Variants in CDH13 observed in about 807,000 individuals in gnomAD.
CDH13 encodes cadherin 13.
CDH13 carries 24 observed loss-of-function variants against 63.8 expected under a neutral mutation model. The observed-to-expected ratio is 0.38, with a 90% CI of 0.27 to 0.53. CDH13 has a LOEUF of 0.53. Among genes scored for constraint, CDH13 ranks in the 20% least tolerant of loss-of-function variants. The probability of loss-of-function intolerance (pLI) is 0.85; values close to 1 mark genes in which losing one functional copy is unlikely to be tolerated. For missense variants in CDH13, 1,049 were observed against 903.1 expected, an observed-to-expected ratio of 1.16 and a Z score of -2.07; for synonymous variants, 503 against 355.3, an observed-to-expected ratio of 1.42 and a Z score of -4.67.
intron 5 of CDH13, among the ~76,000 whole-genome samples, chr16:83,341,381 T>A (rs923392172): frequency 3.3e-5 from 5 of 152,206 alleles, no homozygotes; most frequent in Non-Finnish European, 1.5e-5. Flanking sequence ...GACCTTCGTA[T>A]GAGAACAGTG....
At chr16:82,628,843 C>G (rs542503372) in intron 1 of CDH13, among the ~76,000 whole-genome samples, 2 of 152,226 alleles carry the variant, frequency 1.3e-5, no homozygotes, top group Non-Finnish European at 2.9e-5. Flanking sequence ...CTGCCATCTG[C>G]TAGTGGTACC....
chr16:83,419,329 G>A (rs958616479), intron 6 of CDH13, among the ~76,000 whole-genome samples: 33 of 152,194 alleles, frequency 2.2e-4, no homozygotes, highest in African/African-American at 7.2e-4. Context: ...ACTCAGAAGT[G>A]TAATTAGCCA....
chr16:83,334,378 C>CACAT (rs2090546810), intron 5 of CDH13, among the ~76,000 whole-genome samples: 2 of 150,514 alleles, frequency 1.3e-5, no homozygotes, highest in Non-Finnish European at 3.0e-5. Flanking sequence ...CACACACACA[C>CACAT]ACACACACAC....
At chr16:82,812,538 G>C (rs2037500011) in intron 1 of CDH13, among the ~76,000 whole-genome samples, 1 of 152,088 alleles carries the variant, frequency 6.6e-6, no homozygotes, top group Admixed American at 6.6e-5. Flanking sequence ...TCAGTGAGAA[G>C]AGAGGAGAGG....
chr16:83,429,420 A>G (rs16944496), intron 6 of CDH13, among the ~76,000 whole-genome samples: 1,703 of 152,146 alleles, frequency 0.011, 32 homozygotes, highest in African/African-American at 0.04. Flanking sequence ...TCTGGATTTT[A>G]TTCATTATCA....
At position 83,468,546 on chromosome 16, in the gene CDH13, G is replaced by A. The variant is rs370456565; in HGVS notation, c.782-17931G>A. Among the ~76,000 whole-genome samples, 3 of 152,174 alleles carry A rather than the reference G, an allele frequency of 2.0e-5. No individual in the cohort carries two copies. In the South Asian group the frequency reaches 6.2e-4, roughly 31 times the overall value. On this transcript the variant is annotated intron_variant, in intron 6 of 13. Coordinates refer to ENST00000567109, the MANE Select transcript of CDH13 (RefSeq NM_001257.5). ...GAAATAGATTTAGTGAGTGAAGGGT[G>A]AGCCATTTGCATTAGCAGAACACAG...
Position 83,196,050 on chromosome 16 carries a change from G to T in CDH13, c.484-21295G>T, listed in dbSNP as rs542144365. Among the ~76,000 whole-genome samples the T allele has an allele frequency of 2.0e-4, 31 of 152,262 alleles. No individual in the cohort carries two copies. The South Asian group carries it at 6.2e-3, about 31-fold the overall frequency. On this transcript the variant is annotated intron_variant, in intron 4 of 13. Coordinates refer to ENST00000567109, the MANE Select transcript of CDH13 (RefSeq NM_001257.5). ...GCAGGCGGATCACCTGAGGTCACAA[G>T]TTCGCAATCAGCCTGGCCAACATGG...
chr16:82,907,853 C>G (rs537089924), intron 2 of CDH13, among the ~76,000 whole-genome samples: 6 of 152,254 alleles, frequency 3.9e-5, no homozygotes, highest in East Asian at 1.9e-4. Context: ...TATGTTCCCC[C>G]CAAAGTAGAG....
intron 3 of CDH13, among the ~76,000 whole-genome samples, chr16:83,073,485 C>A (rs1056258834): frequency 5.3e-5 from 8 of 152,044 alleles, no homozygotes. Context: ...TAACCTATCA[C>A]AAAAGTTAGG....
intron 10 of CDH13, among the ~76,000 whole-genome samples, chr16:83,722,318 G>A (rs1909803261): frequency 1.3e-5 from 2 of 152,198 alleles, no homozygotes; most frequent in South Asian, 2.1e-4. Flanking sequence ...AGCTACATAT[G>A]TACAGTGTCC....
intron 4 of CDH13, among the ~76,000 whole-genome samples, chr16:83,126,045 A>G (rs1373499433): frequency 6.6e-6 from 1 of 152,212 alleles, no homozygotes; most frequent in African/African-American, 2.4e-5. Context: ...GTGCCAAAAT[A>G]CGGATACTGC....
chr16:83,397,052 C>G (rs2091897841), intron 6 of CDH13, among the ~76,000 whole-genome samples: 1 of 152,078 alleles, frequency 6.6e-6, no homozygotes, highest in South Asian at 2.1e-4. Context: ...TGATCTATGT[C>G]CTCGCTCTGG....
intron 5 of CDH13, among the ~76,000 whole-genome samples, chr16:83,228,465 C>G (rs578078529): frequency 5.7e-4 from 87 of 152,312 alleles, no homozygotes; most frequent in Non-Finnish European, 6.8e-4. Context: ...TATCACTGTT[C>G]TTGTAAAGTC....
intron 1 of CDH13, among the ~76,000 whole-genome samples, chr16:82,806,993 G>C (rs1445002865): frequency 6.6e-6 from 1 of 152,008 alleles, no homozygotes; most frequent in Non-Finnish European, 1.5e-5. Context: ...AAAGGAAGCA[G>C]CTATCTTTGA....
intron 1 of CDH13, among the ~76,000 whole-genome samples, chr16:82,670,195 C>G (rs1027525511): frequency 3.3e-5 from 5 of 152,206 alleles, no homozygotes; most frequent in Non-Finnish European, 7.3e-5. Flanking sequence ...AATTTTCCAG[C>G]TGCATCCGAA....
chr16:82,855,551 A>G (rs1219007816), intron 1 of CDH13, among the ~76,000 whole-genome samples: 1 of 152,208 alleles, frequency 6.6e-6, no homozygotes, highest in Non-Finnish European at 1.5e-5. Flanking sequence ...TCTGTTTGCA[A>G]AATTGCCAGC....
intron 1 of CDH13, among the ~76,000 whole-genome samples, chr16:82,845,699 T>C (rs957390038): frequency 1.3e-5 from 2 of 152,182 alleles, no homozygotes; most frequent in African/African-American, 2.4e-5. Context: ...GTACCTCATA[T>C]AGGGGCTCCT....
At chr16:82,634,719 A>T (rs1465042037) in intron 1 of CDH13, among the ~76,000 whole-genome samples, 1 of 152,220 alleles carries the variant, frequency 6.6e-6, no homozygotes, top group African/African-American at 2.4e-5. Flanking sequence ...CTGACTCTTT[A>T]TCTAACTTAA....
chr16:82,998,239 G>A lies in CDH13; in HGVS notation c.158-33771G>A, dbSNP rs571352665. 6.6e-5 allele frequency among the ~76,000 whole-genome samples: 10 copies of A among 152,162 alleles called. No homozygotes were observed. In the South Asian group the frequency reaches 1.7e-3, roughly 25 times the overall value. ...CCCTAGAATAACTATTTTCTAAAAC[G>A]CATTAATGCATTGATTTTAATAACA... is the stretch of plus-strand genomic sequence containing the variant. On this transcript the variant is annotated intron_variant, in intron 2 of 13. Transcript: ENST00000567109.
Sources: allele counts gnomAD v4.1 joint callset (sites outside exome capture counted in the v4.1 genomes callset), GRCh38; gene constraint gnomAD v4.1.1; transcripts MANE v1.5; gene names NCBI Gene and HGNC (gene_info 2026-07-23, HGNC 2026-07-21).